NCKAP5: variants seen among roughly 807,000 people sequenced by gnomAD.
NCKAP5 encodes the protein NCK associated protein 5.
NCKAP5 carries 92 observed loss-of-function variants against 167.0 expected under a neutral mutation model. The ratio of observed to expected loss-of-function variants is 0.55; its 90% confidence interval spans 0.47 to 0.66. The LOEUF is 0.66. Among genes scored for constraint, NCKAP5 ranks in the 30% least tolerant of loss-of-function variants. The pLI, the probability that NCKAP5 is intolerant of heterozygous loss-of-function variation, is 0.00. For synonymous variants in NCKAP5, 891 were observed against 877.4 expected (o/e 1.02, Z -0.27); for missense variants, 2,378 against 2,315.0 (o/e 1.03, Z -0.56).
chr2:132,754,148 AT>A (rs1680341474), intron 16 of NCKAP5, among the ~76,000 whole-genome samples: 1 of 151,994 alleles, frequency 6.6e-6, no homozygotes, highest in African/African-American at 2.4e-5. Flanking sequence ...TCTGCATTTT[AT>A]TTTGCAAATT....
intron 3 of NCKAP5, among the ~76,000 whole-genome samples, chr2:133,397,361 GATATA>G (rs1687796692): frequency 6.6e-6 from 1 of 152,170 alleles, no homozygotes; most frequent in African/African-American, 2.4e-5. Flanking sequence ...TGTATTCAAT[GATATA>G]ATTAAGTATT....
intron 11 of NCKAP5, among the ~76,000 whole-genome samples, chr2:132,826,142 C>T (rs985949151): frequency 2.0e-5 from 3 of 152,182 alleles, no homozygotes; most frequent in East Asian, 3.9e-4. Flanking sequence ...AATGTGTACA[C>T]ACCTTGTTTC....
chr2:133,562,425 T>C (rs1688225605), intron 1 of NCKAP5, among the ~76,000 whole-genome samples: 2 of 152,202 alleles, frequency 1.3e-5, no homozygotes, highest in Non-Finnish European at 2.9e-5. Context: ...ATGGAAACCA[T>C]TTGAGAAATG....
At chr2:133,264,510 G>A (rs574233706) in intron 4 of NCKAP5, among the ~76,000 whole-genome samples, 1 of 152,258 alleles carries the variant, frequency 6.6e-6, no homozygotes, top group South Asian at 2.1e-4. Context: ...CACCCCCGGG[G>A]GCCTACAATG....
chr2:132,865,548 A>G (rs1690274657), intron 10 of NCKAP5, among the ~76,000 whole-genome samples: 1 of 152,214 alleles, frequency 6.6e-6, no homozygotes, highest in African/African-American at 2.4e-5. Context: ...ACAGAAGATA[A>G]GCAATACTTC....
chr2:133,164,300 A>G (rs2083915917), intron 5 of NCKAP5, among the ~76,000 whole-genome samples: 1 of 152,226 alleles, frequency 6.6e-6, no homozygotes, highest in African/African-American at 2.4e-5. Flanking sequence ...TGATATTCAA[A>G]TATAGATTGT....
Position 132,783,310 on chromosome 2 carries a change from T to C in NCKAP5, c.3501A>G (p.Pro1167=). Reference sequence around the variant, plus strand: ...TTAAACTGTCTTTTTCATGTTTCCCTGGCACGGTGGAACTTTTCCTGAGCA... The same window carrying C: ...TTAAACTGTCTTTTTCATGTTTCCCCGGCACGGTGGAACTTTTCCTGAGCA... The part of the protein sequence containing the change: ...PQLLRKSSTV[P]GKHEKDSLNE... The change falls in exon 14 of 20, where the codon CCA becomes CCG. Residue 1167 remains proline, a synonymous_variant. Coordinates refer to ENST00000409261, the MANE Select transcript of NCKAP5 (RefSeq NM_207363.3). 1 of 1,613,968 alleles carries C rather than the reference T, an allele frequency of 6.2e-7. No homozygotes were observed. Among genetic ancestry groups the C allele is most frequent in the Non-Finnish European group, 8.5e-7 (1 of 1,179,894 alleles).
intron 6 of NCKAP5, among the ~76,000 whole-genome samples, chr2:133,042,665 C>T (rs548738391): frequency 1.7e-4 from 26 of 152,232 alleles, no homozygotes; most frequent in Admixed American, 7.2e-4. Context: ...TATGCACACA[C>T]ACGTGTGCTT....
chr2:133,272,153 A>C (rs2089542516), intron 4 of NCKAP5, among the ~76,000 whole-genome samples: 1 of 152,018 alleles, frequency 6.6e-6, no homozygotes, highest in Non-Finnish European at 1.5e-5. Context: ...AGTATGTAGA[A>C]GGAGATTAAT....
intron 3 of NCKAP5, among the ~76,000 whole-genome samples, chr2:133,347,727 G>A (rs552676008): frequency 2.4e-4 from 36 of 152,120 alleles, no homozygotes; most frequent in Admixed American, 2.0e-3. Context: ...CCTCTGACCT[G>A]TATGTGTATT....
At chr2:132,753,373 G>A (rs1245291577) in intron 16 of NCKAP5, among the ~76,000 whole-genome samples, 2 of 152,020 alleles carry the variant, frequency 1.3e-5, no homozygotes, top group East Asian at 1.9e-4. Context: ...AATGAATCTG[G>A]TGTTTCAAAA....
At chr2:133,141,040 C>T (rs2149837667) in intron 5 of NCKAP5, among the ~76,000 whole-genome samples, 1 of 152,060 alleles carries the variant, frequency 6.6e-6, no homozygotes, top group South Asian at 2.1e-4. Flanking sequence ...CCCCCCACGA[C>T]CTTAGTGGGC....
intron 4 of NCKAP5, among the ~76,000 whole-genome samples, chr2:133,216,338 A>G (rs533305109): frequency 6.6e-6 from 1 of 152,152 alleles, no homozygotes; most frequent in Non-Finnish European, 1.5e-5. Context: ...AGAATAACCA[A>G]TCTGGACTGC....
At chr2:132,923,155 C>T (rs1453449679) in intron 8 of NCKAP5, among the ~76,000 whole-genome samples, 1 of 152,156 alleles carries the variant, frequency 6.6e-6, no homozygotes, top group African/African-American at 2.4e-5. Flanking sequence ...GAGAAGGCTT[C>T]CTGGATACAC....
At chr2:132,973,995 C>T (rs1237514277) in intron 7 of NCKAP5, among the ~76,000 whole-genome samples, 2 of 152,162 alleles carry the variant, frequency 1.3e-5, no homozygotes, top group East Asian at 3.9e-4. Context: ...ATTACTAACT[C>T]TGGTGGTGGA....
chr2:132,717,287 G>A (rs1286402798), intron 19 of NCKAP5, among the ~76,000 whole-genome samples: 1 of 152,160 alleles, frequency 6.6e-6, no homozygotes, highest in Non-Finnish European at 1.5e-5. Context: ...GTTCCAGGAA[G>A]GACTAAAGAT....
chr2:133,123,233 A>C (rs770970026), intron 6 of NCKAP5: 1 of 152,360 alleles, frequency 6.6e-6, no homozygotes, highest in Non-Finnish European at 1.5e-5. Flanking sequence ...CAAAACAATA[A>C]AGTAATGTTC....
At chr2:133,489,057 C>G (rs1490192098) in intron 3 of NCKAP5, among the ~76,000 whole-genome samples, 1 of 152,184 alleles carries the variant, frequency 6.6e-6, no homozygotes, top group South Asian at 2.1e-4. Context: ...CCACTGCACT[C>G]CAGCCTGAGC....
chr2:133,176,121 A>G (rs1403154435), intron 5 of NCKAP5, among the ~76,000 whole-genome samples: 1 of 152,210 alleles, frequency 6.6e-6, no homozygotes, highest in Admixed American at 6.5e-5. Flanking sequence ...GGTTCCCAAC[A>G]AAAGGGTGCA....
Sources: allele counts gnomAD v4.1 joint callset (sites outside exome capture counted in the v4.1 genomes callset), GRCh38; gene constraint gnomAD v4.1.1; transcripts MANE v1.5; gene names NCBI Gene and HGNC (gene_info 2026-07-23, HGNC 2026-07-21).